CLMN: variants seen among roughly 807,000 people sequenced by gnomAD.
The protein encoded by CLMN is calmin.
A neutral mutation model predicts 92.7 loss-of-function variants in CLMN; 57 were observed. The observed-to-expected ratio is 0.61, with a 90% confidence interval of 0.50 to 0.77. The LOEUF (loss-of-function observed/expected upper bound fraction) is 0.77, where lower values mean the gene tolerates loss of function less well. CLMN is among the 30% of genes least tolerant of loss of function. The probability of loss-of-function intolerance (pLI) is 0.00; values close to 1 mark genes in which losing one functional copy is unlikely to be tolerated. For missense variants in CLMN, 1,158 were observed against 1,237.5 expected, an observed-to-expected ratio of 0.94 and a Z score of 0.96; for synonymous variants, 466 against 470.6, an observed-to-expected ratio of 0.99 and a Z score of 0.13.
intron 3 of CLMN, chr14:95,222,335 G>A (rs1269696232): frequency 8.2e-6 from 2 of 244,436 alleles, no homozygotes; most frequent in East Asian, 1.2e-4. Context: ...AGAAAGAGAC[G>A]TCTGCAGAAG....
At chr14:95,207,803 G>T (rs1897087315) in intron 8 of CLMN, among the ~76,000 whole-genome samples, 3 of 152,168 alleles carry the variant, frequency 2.0e-5, no homozygotes, top group African/African-American at 4.8e-5. Context: ...ACACACAGGT[G>T]GGGGCCAGGA....
chr14:95,196,800 CCA>C, intron 9 of CLMN, 106 bp from the exon 10 acceptor site: 2 of 1,031,598 alleles, frequency 1.9e-6, no homozygotes, highest in South Asian at 3.3e-5. Flanking sequence ...GGCGTCCCTT[CCA>C]ATTCTGCCTG....
chr14:95,257,677 C>A (rs1899055954), intron 1 of CLMN, among the ~76,000 whole-genome samples: 1 of 152,208 alleles, frequency 6.6e-6, no homozygotes, highest in Non-Finnish European at 1.5e-5. Context: ...ACCCCAGCCA[C>A]GTGGCTATGC....
At chr14:95,226,320 G>A (rs143610301) in intron 2 of CLMN, among the ~76,000 whole-genome samples, 3 of 151,932 alleles carry the variant, frequency 2.0e-5, no homozygotes, top group East Asian at 1.9e-4. Flanking sequence ...ATACTCTATC[G>A]TTCAGGGAGT....
chr14:95,209,549 G>T (rs1389125718), intron 7 of CLMN, 72 bp from the exon 8 acceptor site: 7 of 1,168,168 alleles, frequency 6.0e-6, no homozygotes, highest in Non-Finnish European at 9.0e-6. Context: ...CCGGATGCCT[G>T]ATGGTGAAGA....
At chr14:95,219,334 A>C (rs1351487987) in intron 4 of CLMN, among the ~76,000 whole-genome samples, 1 of 152,222 alleles carries the variant, frequency 6.6e-6, no homozygotes, top group African/African-American at 2.4e-5. Flanking sequence ...GAATCTGAGG[A>C]GGCTGTTTGA....
intron 5 of CLMN, among the ~76,000 whole-genome samples, chr14:95,214,344 CTTTTTT>C (rs140176893): frequency 1.8e-5 from 2 of 109,334 alleles, no homozygotes; most frequent in East Asian, 2.8e-4. Flanking sequence ...GCTGCTGCTG[CTTTTTT>C]TTTTTTTTTT....
chr14:95,312,103 C>A (rs1240142551), intron 1 of CLMN, among the ~76,000 whole-genome samples: 2 of 152,166 alleles, frequency 1.3e-5, no homozygotes, highest in African/African-American at 4.8e-5. Flanking sequence ...GGCAGTCTAG[C>A]TGTGCAAATG....
intron 8 of CLMN, among the ~76,000 whole-genome samples, chr14:95,208,623 C>T (rs565121402): frequency 6.6e-6 from 1 of 152,318 alleles, no homozygotes; most frequent in South Asian, 2.1e-4. Context: ...GGGAAGAGGT[C>T]TGTGACAGGC....
At chr14:95,254,079 C>T (rs1233759991) in intron 1 of CLMN, among the ~76,000 whole-genome samples, 1 of 152,202 alleles carries the variant, frequency 6.6e-6, no homozygotes, top group East Asian at 1.9e-4. Context: ...CCCCTCCTAG[C>T]AGCACCACTG....
At chr14:95,262,741 A>AT (rs1400513326) in intron 1 of CLMN, among the ~76,000 whole-genome samples, 1 of 151,676 alleles carries the variant, frequency 6.6e-6, no homozygotes, top group Non-Finnish European at 1.5e-5. Context: ...TAATTTTTGT[A>AT]TTTTTTCTAG....
At chr14:95,286,516 T>C (rs1900349020) in intron 1 of CLMN, among the ~76,000 whole-genome samples, 1 of 152,224 alleles carries the variant, frequency 6.6e-6, no homozygotes, top group Non-Finnish European at 1.5e-5. Context: ...TGTTGGGTCT[T>C]CTTTGGGGGT....
intron 1 of CLMN, among the ~76,000 whole-genome samples, chr14:95,293,114 C>CCCTTCCCTCCTT (rs1900641085): frequency 8.1e-6 from 1 of 123,394 alleles, no homozygotes; most frequent in Non-Finnish European, 1.7e-5. Context: ...GCCCTCCCCT[C>CCCTTCCCTCCTT]CCTTCCCTCC....
At chr14:95,282,767 AG>A (rs1247289506) in intron 1 of CLMN, among the ~76,000 whole-genome samples, 1 of 152,270 alleles carries the variant, frequency 6.6e-6, no homozygotes, top group Admixed American at 6.5e-5. Context: ...CAGGGCCGGA[AG>A]GGGAAAGCAG....
chr14:95,282,059 G>A (rs140839819), intron 1 of CLMN, among the ~76,000 whole-genome samples: 1 of 152,338 alleles, frequency 6.6e-6, no homozygotes, highest in East Asian at 1.9e-4. Context: ...CAGAGCATCA[G>A]CTTAACAAGT....
At chr14:95,244,859 T>A (rs1319908715) in intron 1 of CLMN, among the ~76,000 whole-genome samples, 1 of 151,642 alleles carries the variant, frequency 6.6e-6, no homozygotes, top group East Asian at 2.0e-4. Flanking sequence ...CTGCTGCAAA[T>A]ATTCAGGATT....
intron 1 of CLMN, among the ~76,000 whole-genome samples, chr14:95,318,742 G>A (rs998309745): frequency 6.6e-6 from 1 of 152,130 alleles, no homozygotes; most frequent in Non-Finnish European, 1.5e-5. Flanking sequence ...CAATGTGGGT[G>A]AAGAAGGGCC....
In CLMN at chr14:95,294,747, C is replaced by CACCT. The variant is rs968823273; in HGVS notation, c.82+24960_82+24963dup. Among the ~76,000 whole-genome samples, 8 of 152,238 alleles carry CACCT rather than the reference C, an allele frequency of 5.3e-5. No individual in the cohort carries two copies. Among genetic ancestry groups the CACCT allele is most frequent in the Non-Finnish European group, 1.0e-4 (7 of 68,040 alleles). On this transcript the variant is annotated intron_variant, in intron 1 of 12. Transcript: ENST00000298912. This position sits in a 1 kb window ranked among gnomAD's most constrained non-coding sequence, Gnocchi z 4.2. Reference sequence around the variant, plus strand: ...GTCCTCCACAGGTTGTGTCACTGGGCACCTGGTCTTCTGGCTACTCACTGG... The same window carrying CACCT: ...GTCCTCCACAGGTTGTGTCACTGGGCACCTACCTGGTCTTCTGGCTACTCACTGG...
intron 1 of CLMN, among the ~76,000 whole-genome samples, chr14:95,292,940 G>A (rs1012128580): frequency 6.6e-6 from 1 of 152,116 alleles, no homozygotes; most frequent in South Asian, 2.1e-4. Context: ...GGGTAACCAC[G>A]GAGCAGGAGA....
Sources: allele counts gnomAD v4.1 joint callset (sites outside exome capture counted in the v4.1 genomes callset), GRCh38; gene constraint gnomAD v4.1.1; non-coding constraint Gnocchi (gnomAD v3.1); transcripts MANE v1.5; gene names NCBI Gene and HGNC (gene_info 2026-07-23, HGNC 2026-07-21).